The following CPE variants were observed in gnomAD, a reference collection of about 807,000 sequenced individuals.
CPE encodes carboxypeptidase E.
A neutral mutation model predicts 53.5 loss-of-function variants in CPE; 17 were observed. The observed-to-expected ratio is 0.32, with a 90% CI of 0.22 to 0.48. The LOEUF (loss-of-function observed/expected upper bound fraction) is 0.48. Among genes scored for constraint, CPE ranks in the 20% least tolerant of loss-of-function variants. CPE has a pLI of 0.99. For missense variants in CPE, 524 were observed against 614.7 expected, an observed-to-expected ratio of 0.85 and a Z score of 1.56; for synonymous variants, 226 against 228.8, an observed-to-expected ratio of 0.99 and a Z score of 0.11.
intron 1 of CPE, among the ~76,000 whole-genome samples, chr4:165,411,907 G>T (rs1377453512): frequency 6.6e-6 from 1 of 152,174 alleles, no homozygotes; most frequent in Non-Finnish European, 1.5e-5. Flanking sequence ...GGGGGCCAGA[G>T]AGTCTCTACG....
At chr4:165,423,496 A>G (rs554578893) in intron 1 of CPE, among the ~76,000 whole-genome samples, 42 of 152,086 alleles carry the variant, frequency 2.8e-4, no homozygotes, top group African/African-American at 1.0e-3. Context: ...TATAAAATTT[A>G]CAAATTTTGT....
At chr4:165,461,083 C>T (rs1327517816) in intron 1 of CPE, among the ~76,000 whole-genome samples, 1 of 148,834 alleles carries the variant, frequency 6.7e-6, no homozygotes, top group Non-Finnish European at 1.5e-5. Context: ...GGGAGGATCA[C>T]CTGAGCCCGG....
chr4:165,429,076 C>T (rs72703649), intron 1 of CPE, among the ~76,000 whole-genome samples: 44,810 of 151,870 alleles, frequency 0.3, 6,651 homozygotes, highest in Middle Eastern at 0.39. Flanking sequence ...CATATTTAAC[C>T]ACCCCTGCAA....
chr4:165,459,675 G>GGGGGGGT (rs1731961204), intron 1 of CPE, among the ~76,000 whole-genome samples: 1 of 81,642 alleles, frequency 1.2e-5, no homozygotes, highest in Admixed American at 1.2e-4. Flanking sequence ...AGGGCTGGGT[G>GGGGGGGT]GGGGGGGGCG....
intron 1 of CPE, among the ~76,000 whole-genome samples, chr4:165,459,253 T>G (rs556668236): frequency 3.3e-4 from 50 of 152,378 alleles, no homozygotes; most frequent in African/African-American, 1.1e-3. Flanking sequence ...TTTATGCAGC[T>G]ATTTCTGCCT....
At chr4:165,419,074 G>A (rs529349592) in intron 1 of CPE, among the ~76,000 whole-genome samples, 6 of 152,246 alleles carry the variant, frequency 3.9e-5, no homozygotes, top group Admixed American at 1.3e-4. Flanking sequence ...AATCAAATAA[G>A]CCAGGGTTTT....
intron 1 of CPE, among the ~76,000 whole-genome samples, chr4:165,461,188 G>GAAAAAAAAAAAAAGAA (rs1553976642): frequency 2.5e-5 from 2 of 81,198 alleles, no homozygotes; most frequent in Admixed American, 1.3e-4. Context: ...AAAAAAAAAA[G>GAAAAAAAAAAAAAGAA]AAAGAAAGAA....
At chr4:165,482,183 C>G in intron 3 of CPE, 59 bp from the exon 4 acceptor site, 3 of 1,102,372 alleles carry the variant, frequency 2.7e-6, no homozygotes, top group Non-Finnish European at 3.9e-6. Flanking sequence ...TCTTTTCTGT[C>G]AAGTGATCAT....
chr4:165,481,244 A>G (rs1356006674), intron 3 of CPE, among the ~76,000 whole-genome samples: 2 of 152,120 alleles, frequency 1.3e-5, no homozygotes, highest in Admixed American at 1.3e-4. Flanking sequence ...TATTTAACAC[A>G]CCCAACTTTC....
intron 1 of CPE, among the ~76,000 whole-genome samples, chr4:165,413,758 CAGA>C (rs934745438): frequency 5.9e-5 from 9 of 152,174 alleles, no homozygotes; most frequent in Non-Finnish European, 1.2e-4. Context: ...CAAGAGGTCA[CAGA>C]AGATGTCATG....
intron 1 of CPE, among the ~76,000 whole-genome samples, chr4:165,423,188 C>G (rs1241086978): frequency 6.6e-6 from 1 of 152,028 alleles, no homozygotes; most frequent in East Asian, 1.9e-4. Context: ...CAAGAAATGT[C>G]CCTGTGGACA....
At chr4:165,434,263 T>C (rs1164644139) in intron 1 of CPE, among the ~76,000 whole-genome samples, 4 of 152,320 alleles carry the variant, frequency 2.6e-5, no homozygotes, top group African/African-American at 9.6e-5. Flanking sequence ...TTTTGTCTAG[T>C]GCTTTGTATA....
chr4:165,420,515 A>C (rs1035318261), intron 1 of CPE, among the ~76,000 whole-genome samples: 6 of 150,808 alleles, frequency 4.0e-5, no homozygotes, highest in African/African-American at 1.5e-4. Flanking sequence ...TTGTTTATTT[A>C]TTTCTTTATT....
At chr4:165,394,326 C>T (rs1215446382) in intron 1 of CPE, among the ~76,000 whole-genome samples, 1 of 152,132 alleles carries the variant, frequency 6.6e-6, no homozygotes, top group East Asian at 1.9e-4. Flanking sequence ...GATCAGATAC[C>T]TACTATACCA....
intron 1 of CPE, among the ~76,000 whole-genome samples, chr4:165,421,703 A>G (rs184356890): frequency 1.3e-5 from 2 of 152,318 alleles, no homozygotes; most frequent in Admixed American, 1.3e-4. Context: ...TCACATTTTC[A>G]TCCATCTTAT....
intron 2 of CPE, among the ~76,000 whole-genome samples, 190 bp from the exon 3 acceptor site, chr4:165,467,498 A>G (rs966834755): frequency 1.3e-5 from 2 of 152,212 alleles, no homozygotes; most frequent in African/African-American, 4.8e-5. Flanking sequence ...TATGCGGCCC[A>G]TCACAGTACT....
At chr4:165,459,577 T>C (rs1380017748) in intron 1 of CPE, among the ~76,000 whole-genome samples, 1 of 149,532 alleles carries the variant, frequency 6.7e-6, no homozygotes, top group Non-Finnish European at 1.5e-5. Flanking sequence ...ATTCCTCAAT[T>C]GCAAGATCAG....
Position 165,498,313 on chromosome 4 carries a change from A to C in CPE, c.*703A>C, listed in dbSNP as rs1023986960. The C allele has an allele frequency of 3.3e-5, 5 of 152,336 alleles. No homozygotes were observed. Among genetic ancestry groups the C allele is most frequent in the African/African-American group, 1.2e-4 (5 of 41,558 alleles). 9.4% of individuals were successfully genotyped at this position (152,336 alleles called of 1,614,324 possible). A position where few individuals can be genotyped will look rare whatever the true frequency, so the allele number is the denominator to read the frequency against. The stretch of plus-strand genomic sequence containing the variant: ...TTCTGAATGAATAAAGGTTAAAAAA[A>C]AATCCCCAGTGCATGTATTTCAGTT... On this transcript the variant is annotated 3_prime_UTR_variant, in exon 9 of 9. Coordinates refer to ENST00000402744, the MANE Select transcript of CPE (RefSeq NM_001873.4).
chr4:165,436,039 C>T (rs1019717868), intron 1 of CPE, among the ~76,000 whole-genome samples: 3 of 152,096 alleles, frequency 2.0e-5, no homozygotes, highest in Non-Finnish European at 4.4e-5. Context: ...ATAGTTTCTC[C>T]TCAACTTCCC....
Sources: allele counts gnomAD v4.1 joint callset (sites outside exome capture counted in the v4.1 genomes callset), GRCh38; gene constraint gnomAD v4.1.1; transcripts MANE v1.5; gene names NCBI Gene and HGNC (gene_info 2026-07-23, HGNC 2026-07-21).